The following SPATA22 variants were observed in gnomAD, a reference collection of about 807,000 sequenced individuals.
SPATA22 encodes spermatogenesis-associated protein 22.
Under a neutral mutation model 47.8 loss-of-function variants are expected in SPATA22, and 29 were observed. That is an observed-to-expected ratio of 0.61 (90% CI 0.45 to 0.83). SPATA22 has a LOEUF of 0.83. Among genes scored for constraint, SPATA22 ranks in the 40% least tolerant of loss-of-function variants. SPATA22 has a pLI of 0.00. For missense variants in SPATA22, 410 were observed against 421.7 expected (o/e 0.97, Z 0.24); for synonymous variants, 133 against 140.9 (o/e 0.94, Z 0.40).
At position 3,490,305 on chromosome 17, in the gene SPATA22, C is replaced by T. The variant is rs192489176; in HGVS notation, c.-73-20907G>A. ...CAAGGTGGGTATATGCAGCTCTATG[C>T]ACTATCTGCTCATTTATTTGGTAAA... On this transcript the variant is annotated intron_variant, in intron 1 of 8. Coordinates refer to the SPATA22 transcript ENST00000541913. The surrounding 1 kb of genome is among the most constrained non-coding windows in gnomAD (Gnocchi z 4.6). Among the ~76,000 whole-genome samples the T allele has an allele frequency of 2.0e-4, 30 of 152,200 alleles. No individual in the cohort carries two copies. The highest frequency in any genetic ancestry group is 7.0e-4 in the African/African-American group (29 of 41,560).
In SPATA22 at chr17:3,453,029, G is replaced by A. The variant is rs151201398; in HGVS notation, c.330-3880C>T. Among the ~76,000 whole-genome samples the A allele has an allele frequency of 1.3e-3, 194 of 152,278 alleles. 1 individual carries two copies. Among genetic ancestry groups the A allele is most frequent in the Non-Finnish European group, 2.4e-3 (166 of 68,012 alleles). On this transcript the variant is annotated intron_variant, in intron 5 of 8. Coordinates refer to ENST00000572969, the MANE Select transcript of SPATA22 (RefSeq NM_001170698.2). Reference sequence around the variant, plus strand: ...AATTCCACTTCCAAATTCATTTTATGAGACTAGCATCACTCTGATATCAAA... The same window carrying A: ...AATTCCACTTCCAAATTCATTTTATAAGACTAGCATCACTCTGATATCAAA...
chr17:3,480,251 C>G (rs1446886855), intron 1 of SPATA22, among the ~76,000 whole-genome samples: 1 of 152,162 alleles, frequency 6.6e-6, no homozygotes, highest in African/African-American at 2.4e-5. Flanking sequence ...TTTATCAAGA[C>G]AAGGGAACTG....
intron 3 of SPATA22, 77 bp downstream of exon 3, chr17:3,467,349 A>G (rs2073337209): frequency 8.6e-7 from 1 of 1,169,422 alleles, no homozygotes; most frequent in Non-Finnish European, 1.2e-6. Context: ...TTCTATTTTC[A>G]TTATAATATA....
At chr17:3,486,022 T>C (rs920349018) in intron 1 of SPATA22, among the ~76,000 whole-genome samples, 1 of 150,426 alleles carries the variant, frequency 6.6e-6, no homozygotes, top group African/African-American at 2.4e-5. Context: ...AACCTCCGCC[T>C]CCTGGGTTTA....
Position 3,465,140 on chromosome 17 carries a change from G to A in SPATA22, c.172+2286C>T, listed in dbSNP as rs1190224274. On this transcript the variant is annotated intron_variant, in intron 3 of 8. Coordinates refer to ENST00000572969, the MANE Select transcript of SPATA22 (RefSeq NM_001170698.2). ...AGCGTCTCCGCCCGGCAGCCACCCC[G>A]TCCGGGAGGGAGGTGGGGGGGTCAG... 6.9e-5 allele frequency among the ~76,000 whole-genome samples: 8 copies of A among 116,492 alleles called. 1 individual carries two copies. The highest frequency in any genetic ancestry group is 4.8e-3 in the Middle Eastern group (1 of 210). The allele number at this position is 116,492 out of a possible 152,430, so 76.4% of individuals were successfully genotyped here.
At chr17:3,486,186 G>A (rs569786402) in intron 1 of SPATA22, among the ~76,000 whole-genome samples, 19 of 152,000 alleles carry the variant, frequency 1.3e-4, no homozygotes, top group African/African-American at 3.9e-4. Context: ...CACCCGCCTC[G>A]GCCTCCCAAA....
At chr17:3,469,150 C>T in intron 2 of SPATA22, 133 bp downstream of exon 2, 1 of 492,114 alleles carries the variant, frequency 2.0e-6, no homozygotes, top group Non-Finnish European at 3.5e-6. Flanking sequence ...ATTTTACTTC[C>T]TTGGACCTAA....
At chr17:3,501,942 G>A (rs1457522349) in intron 1 of SPATA22, 1 of 125,230 alleles carries the variant, frequency 8.0e-6, no homozygotes, top group African/African-American at 3.2e-5. Context: ...GACACAGCAA[G>A]CCTCCATCTC....
chr17:3,471,823 C>T, upstream of SPATA22: 10 of 985,510 alleles, frequency 1.0e-5, no homozygotes, highest in Non-Finnish European at 1.2e-5. Context: ...GGGAATCAGG[C>T]TGTTCGCAGG....
chr17:3,492,506 A>G (rs2073841754), intron 1 of SPATA22, among the ~76,000 whole-genome samples: 1 of 152,152 alleles, frequency 6.6e-6, no homozygotes, highest in Non-Finnish European at 1.5e-5. Flanking sequence ...GTGATGTTTC[A>G]TATCCTTCTG....
intron 1 of SPATA22, chr17:3,494,352 A>AAAG: frequency 6.2e-7 from 1 of 1,605,668 alleles, no homozygotes; most frequent in Non-Finnish European, 8.5e-7. Flanking sequence ...TGTCATAGGA[A>AAAG]AAGAATTTCC....
chr17:3,470,487 C>T (rs546362727), intron 1 of SPATA22, among the ~76,000 whole-genome samples: 45 of 151,702 alleles, frequency 3.0e-4, no homozygotes, highest in Admixed American at 1.2e-3. Context: ...CAGTGGCTCA[C>T]GCCTGTAATC....
intron 5 of SPATA22, 71 bp from the exon 6 acceptor site, chr17:3,449,220 A>T: frequency 8.7e-7 from 1 of 1,147,940 alleles, no homozygotes; most frequent in Non-Finnish European, 1.2e-6. Context: ...TAATAATGAA[A>T]AATTCATTTA....
chr17:3,495,838 A>T (rs921467714), intron 1 of SPATA22, among the ~76,000 whole-genome samples: 1 of 152,220 alleles, frequency 6.6e-6, no homozygotes, highest in Non-Finnish European at 1.5e-5. Context: ...AAGTGGTGGG[A>T]TTACAGGCAT....
intron 5 of SPATA22, among the ~76,000 whole-genome samples, chr17:3,449,706 G>A (rs575015130): frequency 7.0e-4 from 106 of 152,190 alleles, no homozygotes; most frequent in African/African-American, 2.4e-3. Context: ...AATGTATTTG[G>A]TACAGCATTT....
intron 1 of SPATA22, among the ~76,000 whole-genome samples, chr17:3,495,114 G>A (rs564941954): frequency 6.6e-6 from 1 of 152,048 alleles, no homozygotes; most frequent in Non-Finnish European, 1.5e-5. Flanking sequence ...GCTCTTGAGA[G>A]AATGTAGGAG....
intron 5 of SPATA22, among the ~76,000 whole-genome samples, chr17:3,458,099 A>G (rs1416925570): frequency 5.3e-5 from 8 of 152,232 alleles, no homozygotes; most frequent in Admixed American, 5.2e-4. Context: ...AATATCCAAA[A>G]TATTTAAGGA....
upstream of SPATA22, among the ~76,000 whole-genome samples, chr17:3,473,725 T>C (rs1020223473): frequency 6.6e-6 from 1 of 152,168 alleles, no homozygotes; most frequent in African/African-American, 2.4e-5. Context: ...CTCGAACTCC[T>C]GACCTTAGGT....
intron 5 of SPATA22, among the ~76,000 whole-genome samples, chr17:3,449,565 A>C (rs558146135): frequency 1.3e-5 from 2 of 152,312 alleles, no homozygotes; most frequent in South Asian, 4.1e-4. Flanking sequence ...TACAAAGTAA[A>C]ATTTTAAGAA....
Sources: allele counts gnomAD v4.1 joint callset (sites outside exome capture counted in the v4.1 genomes callset), GRCh38; gene constraint gnomAD v4.1.1; non-coding constraint Gnocchi (gnomAD v3.1); transcripts MANE v1.5; gene names NCBI Gene and HGNC (gene_info 2026-07-23, HGNC 2026-07-21).